Variants in MSH3 observed in about 807,000 individuals in gnomAD.
MSH3 encodes the protein DNA mismatch repair protein Msh3.
MSH3 carries 106 observed loss-of-function variants against 123.3 expected under a neutral mutation model. The ratio of observed to expected loss-of-function variants is 0.86; its 90% CI spans 0.73 to 1.01. The LOEUF (loss-of-function observed/expected upper bound fraction) is 1.01. Ranked by LOEUF, MSH3 falls within the 50% of genes least tolerant of loss-of-function variation. The probability of loss-of-function intolerance (pLI) is 0.00; values close to 1 mark genes in which losing one functional copy is unlikely to be tolerated. For synonymous variants in MSH3, 515 were observed against 481.4 expected (o/e 1.07, Z -0.91); for missense variants, 1,459 against 1,347.6 (o/e 1.08, Z -1.29).
At chr5:80,747,545 T>G (rs1431163157) in intron 12 of MSH3, among the ~76,000 whole-genome samples, 2 of 152,208 alleles carry the variant, frequency 1.3e-5, no homozygotes, top group Non-Finnish European at 1.5e-5. Flanking sequence ...CCTAATCTAT[T>G]AAAATCTATT....
chr5:80,768,826 A>C lies in MSH3; in HGVS notation c.2085-9A>C, dbSNP rs1235270472. Reference sequence around the variant, plus strand: ...TTCGAATATGTATTTGCATGTTTTGATTTTTTAGAGTTGGGGATAAAACTG... The same window carrying C: ...TTCGAATATGTATTTGCATGTTTTGCTTTTTTAGAGTTGGGGATAAAACTG... On this transcript the variant is annotated splice_polypyrimidine_tract_variant and intron_variant, in intron 14 of 23. Transcript: ENST00000265081. 1 of 1,597,624 alleles carries C rather than the reference A, an allele frequency of 6.3e-7. No individual in the cohort carries two copies. The highest frequency in any genetic ancestry group is 1.3e-5 in the African/African-American group (1 of 74,554).
intron 18 of MSH3, 80 bp downstream of exon 18, chr5:80,787,752 T>C (rs1744535233): frequency 1.0e-6 from 1 of 966,116 alleles, no homozygotes. Flanking sequence ...GTCTTTATTA[T>C]AAAATATTAC....
chr5:80,693,390 G>A (rs372160150), intron 8 of MSH3, among the ~76,000 whole-genome samples: 7 of 27,354 alleles, frequency 2.6e-4, no homozygotes, highest in Admixed American at 8.4e-4. Flanking sequence ...TGTTTATATA[G>A]ATATACATGC....
chr5:80,665,396 C>T (rs778461068), intron 3 of MSH3, 33 bp downstream of exon 3: 8 of 1,522,180 alleles, frequency 5.3e-6, no homozygotes, highest in Admixed American at 1.7e-5. Flanking sequence ...TATCCAGTTA[C>T]CTAGAATAGT....
intron 11 of MSH3, among the ~76,000 whole-genome samples, chr5:80,743,265 T>A (rs2112868038): frequency 6.6e-6 from 1 of 152,290 alleles, no homozygotes; most frequent in East Asian, 1.9e-4. Flanking sequence ...GGAGCAGTGC[T>A]GCTGCTGATC....
At chr5:80,702,937 G>A (rs1174888051) in intron 8 of MSH3, among the ~76,000 whole-genome samples, 1 of 152,214 alleles carries the variant, frequency 6.6e-6, no homozygotes, top group African/African-American at 2.4e-5. Context: ...ACTTGAACCC[G>A]GGTGGCTGAG....
intron 15 of MSH3, among the ~76,000 whole-genome samples, chr5:80,771,825 A>G (rs1253209563): frequency 2.6e-5 from 4 of 152,200 alleles, no homozygotes; most frequent in Non-Finnish European, 5.9e-5. Flanking sequence ...CCCAGCTTTT[A>G]TATACTCATT....
At chr5:80,759,776 A>G (rs1561468462) in intron 12 of MSH3, among the ~76,000 whole-genome samples, 1 of 152,172 alleles carries the variant, frequency 6.6e-6, no homozygotes, top group Admixed American at 6.5e-5. Flanking sequence ...GACTTAGACT[A>G]TAGTAGTGGC....
chr5:80,869,623 TATA>T (rs966240075), intron 22 of MSH3, among the ~76,000 whole-genome samples: 6 of 151,926 alleles, frequency 3.9e-5, no homozygotes, highest in African/African-American at 1.2e-4. Context: ...GAGACCAGCA[TATA>T]ATGATACACT....
At chr5:80,874,567 A>G (rs1326362043) in intron 23 of MSH3, among the ~76,000 whole-genome samples, 1 of 152,260 alleles carries the variant, frequency 6.6e-6, no homozygotes, top group Non-Finnish European at 1.5e-5. Context: ...GAGACAAATT[A>G]AACTCTTTAG....
chr5:80,795,070 G>A (rs1312400471), intron 19 of MSH3, among the ~76,000 whole-genome samples: 1 of 152,192 alleles, frequency 6.6e-6, no homozygotes, highest in Non-Finnish European at 1.5e-5. Flanking sequence ...TGAGATGTAG[G>A]GGAGCATTTG....
At chr5:80,844,623 C>A (rs1286373282) in intron 20 of MSH3, among the ~76,000 whole-genome samples, 4 of 152,074 alleles carry the variant, frequency 2.6e-5, no homozygotes, top group South Asian at 4.1e-4. Context: ...TTAAGTCTTC[C>A]TGTTGAATTG....
chr5:80,831,182 C>T (rs1351104364), intron 20 of MSH3, among the ~76,000 whole-genome samples: 2 of 152,152 alleles, frequency 1.3e-5, no homozygotes, highest in African/African-American at 4.8e-5. Context: ...TTTCATATTG[C>T]TAGAAGAAGG....
At chr5:80,834,812 C>T (rs35967780) in intron 20 of MSH3, among the ~76,000 whole-genome samples, 15,752 of 152,062 alleles carry the variant, frequency 0.1, 1,044 homozygotes, top group East Asian at 0.24. Context: ...CTCCTGAACA[C>T]TGGCCTGCCC....
At chr5:80,783,577 G>T (rs1028283178) in intron 17 of MSH3, among the ~76,000 whole-genome samples, 12 of 152,196 alleles carry the variant, frequency 7.9e-5, no homozygotes, top group African/African-American at 2.6e-4. Flanking sequence ...TGTTTTAACT[G>T]AAATGGGACC....
intron 19 of MSH3, among the ~76,000 whole-genome samples, chr5:80,805,588 C>A (rs1011090421): frequency 1.5e-4 from 17 of 114,080 alleles, no homozygotes; most frequent in African/African-American, 4.3e-4. Context: ...GCCCCCCCCC[C>A]CTACCTTTTT....
At position 80,670,128 on chromosome 5, in the gene MSH3, G is replaced by A; in HGVS notation, c.611G>A (p.Gly204Glu). Residue 204 changes from glycine (G) to glutamate (E), a missense_variant, in exon 4 of 24, where the codon GGA becomes GAA. Gly to Glu is a moderately conservative substitution (Grantham distance 98). Transcript: ENST00000265081. The part of the protein sequence containing the change: ...DTTLFDLSQF[G>E]SSNTSHENLQ... ...ACACTTTTTGATCTCAGTCAGTTTG[G>A]ATCATCAAATACAAGTCATGAAAAT... The A allele has an allele frequency of 1.9e-6, 3 of 1,614,022 alleles. No homozygotes were observed. In the South Asian group the frequency reaches 3.3e-5, roughly 18 times the overall value.
intron 13 of MSH3, among the ~76,000 whole-genome samples, chr5:80,766,017 A>T (rs1182600819): frequency 1.3e-5 from 2 of 152,078 alleles, no homozygotes; most frequent in African/African-American, 2.4e-5. Flanking sequence ...TTCTACTATT[A>T]TGCTTTAATT....
At chr5:80,711,228 A>G (rs2112845115) in intron 8 of MSH3, among the ~76,000 whole-genome samples, 1 of 152,264 alleles carries the variant, frequency 6.6e-6, no homozygotes, top group South Asian at 2.1e-4. Context: ...GGCCCCATGG[A>G]GTTCCCATAG....
Sources: allele counts gnomAD v4.1 joint callset (sites outside exome capture counted in the v4.1 genomes callset), GRCh38; gene constraint gnomAD v4.1.1; transcripts MANE v1.5; gene names NCBI Gene and HGNC (gene_info 2026-07-23, HGNC 2026-07-21).